The following CCDC180 variants were observed in gnomAD, a reference collection of about 807,000 sequenced individuals.
The protein encoded by CCDC180 is coiled-coil domain-containing protein 180.
In CCDC180, 154 loss-of-function variants were observed where a neutral mutation model predicts 209.2. The ratio of observed to expected loss-of-function variants is 0.74; its 90% CI spans 0.65 to 0.84. The LOEUF (loss-of-function observed/expected upper bound fraction) is 0.84, where lower values mean the gene tolerates loss of function less well. Among genes scored for constraint, CCDC180 ranks in the 40% least tolerant of loss-of-function variants. The pLI is 0.00. For missense variants in CCDC180, 1,874 were observed against 1,997.3 expected (o/e 0.94, Z 1.18); for synonymous variants, 778 against 749.1 (o/e 1.04, Z -0.63).
At chr9:97,369,198 T>C (rs1285438855) in intron 31 of CCDC180, 3 of 151,410 alleles carry the variant, frequency 2.0e-5, no homozygotes, top group African/African-American at 7.3e-5. Context: ...TATAAAGAGA[T>C]GAAAATATGG....
At chr9:97,327,414 A>T (rs1026537542) in intron 15 of CCDC180, among the ~76,000 whole-genome samples, 1 of 152,198 alleles carries the variant, frequency 6.6e-6, no homozygotes, top group African/African-American at 2.4e-5. Context: ...TGTAGCATTC[A>T]TTAATGTAGA....
chr9:97,327,898 T>C (rs1246607658), intron 15 of CCDC180, 122 bp from the exon 16 acceptor site: 7 of 1,058,912 alleles, frequency 6.6e-6, no homozygotes, highest in Non-Finnish European at 8.1e-6. Context: ...GGACTGCTGC[T>C]ATAAAAGAGC....
Position 97,317,015 on chromosome 9 carries a change from C to T in CCDC180, c.796-50C>T, listed in dbSNP as rs375762451. On this transcript the variant is annotated intron_variant, in intron 8 of 36. Transcript: ENST00000529487. Reference sequence around the variant, plus strand: ...CCTCTCTAACTGAGCCTTGCCCTGACCCGAGAGAGACCCTGCCCTGTCTAG... The same window carrying T: ...CCTCTCTAACTGAGCCTTGCCCTGATCCGAGAGAGACCCTGCCCTGTCTAG... 4.9e-5 allele frequency: 76 copies of T among 1,537,872 alleles called. No homozygotes were observed. In the African/African-American group the frequency reaches 7.2e-4, roughly 15 times the overall value.
chr9:97,363,568 G>GGAATTTCA (rs1697376795), intron 28 of CCDC180: 1 of 530,866 alleles, frequency 1.9e-6, no homozygotes. Context: ...CATCTACACT[G>GGAATTTCA]GAATTTCAGA....
rs552545305 is a variant in CCDC180 at position 97,378,678 on chromosome 9, C to G, written c.*1784C>G. Among the ~76,000 whole-genome samples, 25 of 152,320 alleles carry G rather than the reference C, an allele frequency of 1.6e-4. No individual in the cohort carries two copies. Among genetic ancestry groups the G allele is most frequent in the Middle Eastern group, 3.4e-3 (1 of 294 alleles). On this transcript the variant is annotated 3_prime_UTR_variant, in exon 37 of 37. Coordinates refer to ENST00000529487, the MANE Select transcript of CCDC180 (RefSeq NM_020893.6). ...TCTGTCGGACAAGGGCGAGGATGTCCCATGCAGGGCTCCTAGAAAGAAGGC... is the reference window on the plus strand; with the variant it reads ...TCTGTCGGACAAGGGCGAGGATGTCGCATGCAGGGCTCCTAGAAAGAAGGC...
intron 31 of CCDC180, 163 bp from the exon 32 acceptor site, chr9:97,369,759 C>T: frequency 1.5e-6 from 1 of 667,396 alleles, no homozygotes; most frequent in Non-Finnish European, 2.5e-6. Context: ...ATTTTCTATA[C>T]TGGTTTGACC....
intron 16 of CCDC180, among the ~76,000 whole-genome samples, chr9:97,328,729 G>C (rs976411628): frequency 6.6e-6 from 1 of 152,066 alleles, no homozygotes; most frequent in Non-Finnish European, 1.5e-5. Flanking sequence ...CACTCATTCA[G>C]CCTGACCCCT....
At chr9:97,310,873 C>T (rs1832962264) in intron 3 of CCDC180, among the ~76,000 whole-genome samples, 1 of 152,218 alleles carries the variant, frequency 6.6e-6, no homozygotes, top group Admixed American at 6.5e-5. Context: ...ATCACCCTGC[C>T]TGATGCCCCA....
intron 18 of CCDC180, among the ~76,000 whole-genome samples, chr9:97,333,752 CT>C (rs1825821466): frequency 6.6e-6 from 1 of 151,292 alleles, no homozygotes; most frequent in African/African-American, 2.4e-5. Context: ...TGTATTAATA[CT>C]TTTTTATTTT....
At chr9:97,309,129 A>G (rs1832897051) in intron 2 of CCDC180, among the ~76,000 whole-genome samples, 1 of 152,210 alleles carries the variant, frequency 6.6e-6, no homozygotes, top group African/African-American at 2.4e-5. Context: ...ATTATTAGTC[A>G]GTTCTGTTTT....
In CCDC180 at chr9:97,377,309, C is replaced by G. The variant is rs2279113; in HGVS notation, c.*415C>G. The G allele has an allele frequency of 0.19, 29,780 of 154,970 alleles. 3,114 individuals carry two copies. The highest frequency in any genetic ancestry group is 0.3 in the East Asian group (1,562 of 5,232). The allele number at this position is 154,970 out of a possible 1,614,324, so 9.6% of individuals were successfully genotyped here. A position where few individuals can be genotyped will look rare whatever the true frequency, so the allele number is the denominator to read the frequency against. On this transcript the variant is annotated 3_prime_UTR_variant, in exon 37 of 37. Transcript: ENST00000529487. ...TTATAATTGCAACTCTGCACTGGTT[C>G]CTAGACCCAACAAATAACTAATCCA... is the stretch of plus-strand genomic sequence containing the variant.
chr9:97,363,793 C>T (rs962913352), intron 28 of CCDC180: 6 of 564,676 alleles, frequency 1.1e-5, no homozygotes, highest in Non-Finnish European at 1.7e-5. Flanking sequence ...GGCCTGAGCA[C>T]CTCCACCCCT....
chr9:97,337,400 T>TAAA (rs1156274365), intron 18 of CCDC180, among the ~76,000 whole-genome samples: 19 of 152,372 alleles, frequency 1.2e-4, no homozygotes, highest in African/African-American at 4.3e-4. Flanking sequence ...CGAAGGCCTT[T>TAAA]TCTGCATCTA....
At chr9:97,345,724 C>A (rs1443777078) in intron 19 of CCDC180, 1 of 254,916 alleles carries the variant, frequency 3.9e-6, no homozygotes, top group Non-Finnish European at 7.8e-6. Context: ...GCACTCCTGA[C>A]TGGGAGACAG....
At chr9:97,362,088 GACT>G in intron 27 of CCDC180, 105 bp from the exon 28 acceptor site, 1 of 1,473,260 alleles carries the variant, frequency 6.8e-7, no homozygotes, top group Non-Finnish European at 9.2e-7. Flanking sequence ...CTCGTGACAG[GACT>G]GACTGACGTG....
chr9:97,321,016 C>A (rs1013824338), intron 11 of CCDC180, among the ~76,000 whole-genome samples: 3 of 152,170 alleles, frequency 2.0e-5, no homozygotes, highest in Non-Finnish European at 4.4e-5. Flanking sequence ...TGGTGTGATA[C>A]TCCCTGGCAA....
rs751680128 is a variant in CCDC180, at chr9:97,309,057, A to T, written c.70-357A>T. The stretch of plus-strand genomic sequence containing the variant: ...TTATAAAAAATTATTTGTGGGTCTC[A>T]TCTTTAACAAATGCCTAACATTCCA... On this transcript the variant is annotated intron_variant, in intron 2 of 36. Coordinates refer to ENST00000529487, the MANE Select transcript of CCDC180 (RefSeq NM_020893.6). 2.0e-5 allele frequency among the ~76,000 whole-genome samples: 3 copies of T among 152,236 alleles called. No homozygotes were observed. The East Asian group carries it at 5.8e-4, about 29-fold the overall frequency.
Position 97,378,493 on chromosome 9 carries a change from A to G in CCDC180, c.*1599A>G, listed in dbSNP as rs907102366. 1 of 152,216 alleles carries G rather than the reference A, an allele frequency of 6.6e-6. No individual in the cohort carries two copies. The highest frequency in any genetic ancestry group is 1.5e-5 in the Non-Finnish European group (1 of 68,050). 9.4% of individuals were successfully genotyped at this position (152,216 alleles called of 1,614,324 possible). ...AGGTCACAGGACAGCACTTAACCTT[A>G]CTAGAAAGGCTGCTTTCTAATATTT... is the stretch of plus-strand genomic sequence containing the variant. On this transcript the variant is annotated 3_prime_UTR_variant, in exon 37 of 37. Transcript: ENST00000529487.
chr9:97,374,430 C>G (rs1827185513), intron 34 of CCDC180, 113 bp from the exon 35 acceptor site: 3 of 756,882 alleles, frequency 4.0e-6, no homozygotes, highest in Non-Finnish European at 6.5e-6. Flanking sequence ...GCCATAACTC[C>G]AAGTGGGAGG....
Sources: gnomAD v4.1 joint callset for allele counts (sites outside exome capture counted in the v4.1 genomes callset) on GRCh38, gnomAD v4.1.1 for gene constraint, MANE v1.5 for transcripts, NCBI Gene and HGNC (gene_info 2026-07-23, HGNC 2026-07-21) for gene names.